Variants in CCAR1 observed in about 807,000 individuals in gnomAD.
CCAR1 encodes the protein cell division cycle and apoptosis regulator 1, also known as cell division cycle and apoptosis regulator protein 1.
Under a neutral mutation model 163.8 loss-of-function variants are expected in CCAR1, and 78 were observed. That is an observed-to-expected ratio of 0.48 (90% CI 0.40 to 0.57). CCAR1 has a LOEUF of 0.57. CCAR1 is among the 20% of genes least tolerant of loss of function. The pLI is 0.00. For missense variants in CCAR1, 1,019 were observed against 1,365.2 expected (o/e 0.75, Z 4.00); for synonymous variants, 443 against 460.7 (o/e 0.96, Z 0.49).
At chr10:68,734,343 G>T (rs2056080131) in intron 2 of CCAR1, among the ~76,000 whole-genome samples, 1 of 151,908 alleles carries the variant, frequency 6.6e-6, no homozygotes, top group Non-Finnish European at 1.5e-5. Context: ...GGTTTTTACG[G>T]CCTCTTGGTT....
At chr10:68,750,411 G>A (rs779182819) in intron 10 of CCAR1, among the ~76,000 whole-genome samples, 13 of 151,688 alleles carry the variant, frequency 8.6e-5, no homozygotes, top group East Asian at 3.9e-4. Flanking sequence ...TAGTAGGGAC[G>A]GGGTTTCACC....
At chr10:68,767,481 A>G (rs1377525103) in intron 17 of CCAR1, among the ~76,000 whole-genome samples, 1 of 152,078 alleles carries the variant, frequency 6.6e-6, no homozygotes, top group Non-Finnish European at 1.5e-5. Context: ...CCTGACCTCA[A>G]GTGATCCAAC....
rs1488065810 is a variant in CCAR1, at chr10:68,756,010, G to C, written c.1626-263G>C. 6.6e-6 allele frequency among the ~76,000 whole-genome samples: 1 copy of C among 152,148 alleles called. No homozygotes were observed. Among genetic ancestry groups the C allele is most frequent in the African/African-American group, 2.4e-5 (1 of 41,442 alleles). The stretch of plus-strand genomic sequence containing the variant: ...CACATGAAATCTGAACAGCTATCCA[G>C]CTTCTTCAGGTATTCTCTAAAATGC... On this transcript the variant is annotated intron_variant, in intron 13 of 24. Coordinates refer to ENST00000265872, the MANE Select transcript of CCAR1 (RefSeq NM_018237.4). The surrounding 1 kb of genome is among the most constrained non-coding windows in gnomAD (Gnocchi z 5.1).
chr10:68,768,448 A>G (rs1379587583), intron 17 of CCAR1, among the ~76,000 whole-genome samples: 1 of 151,500 alleles, frequency 6.6e-6, no homozygotes, highest in Non-Finnish European at 1.5e-5. Context: ...CATCTCTACT[A>G]AAAATACAAA....
At chr10:68,787,874 A>C in intron 21 of CCAR1, 53 bp from the exon 22 acceptor site, 1 of 1,517,494 alleles carries the variant, frequency 6.6e-7, no homozygotes, top group Non-Finnish European at 8.9e-7. Context: ...TTTCTAAGAG[A>C]ATCAAGAAAT....
chr10:68,761,163 G>C lies in CCAR1; in HGVS notation c.2077G>C (p.Asp693His). Residue 693 changes from aspartate to histidine, a missense_variant, in exon 16 of 25, where the codon GAT (aspartate) becomes CAT (histidine). Transcript: ENST00000265872. Reference sequence around the variant, plus strand: ...ATCTGAAAAAGAAGAGGATGAGGATGATGATAGGAAATCTGAAGACGATAA... The same window carrying C: ...ATCTGAAAAAGAAGAGGATGAGGATCATGATAGGAAATCTGAAGACGATAA... Reference protein sequence around the residue: ...EKSEKEEDEDDDRKSEDDKEE... With the variant: ...EKSEKEEDEDHDRKSEDDKEE... 2.5e-6 allele frequency: 4 copies of C among 1,602,970 alleles called. No individual in the cohort carries two copies. The highest frequency in any genetic ancestry group is 3.4e-6 in the Non-Finnish European group (4 of 1,176,412).
chr10:68,758,293 G>A (rs1320791801), intron 15 of CCAR1, among the ~76,000 whole-genome samples: 2 of 151,938 alleles, frequency 1.3e-5, no homozygotes, highest in Admixed American at 6.6e-5. Flanking sequence ...GGCCTCAAGC[G>A]ATCTATCCAC....
chr10:68,746,318 C>T (rs2056254420), intron 6 of CCAR1, among the ~76,000 whole-genome samples: 1 of 152,008 alleles, frequency 6.6e-6, no homozygotes, highest in African/African-American at 2.4e-5. Flanking sequence ...ACTCTATCGC[C>T]CAGGCTGGAG....
At position 68,723,096 on chromosome 10, in the gene CCAR1, CCAAA is replaced by C. The variant is rs938385886; in HGVS notation, c.73+522_73+525del. Among the ~76,000 whole-genome samples the C allele has an allele frequency of 5.3e-5, 8 of 150,850 alleles. No homozygotes were observed. The East Asian group carries it at 5.8e-4, about 11-fold the overall frequency. On this transcript the variant is annotated intron_variant, in intron 2 of 24. Transcript: ENST00000265872. ...GACAGTTTTGTAGTTTTTTTTTTCC[CCAAA>C]CATTTATTTTTTTATTTATTTTTAT...
chr10:68,728,292 A>T (rs2055977738), intron 2 of CCAR1, among the ~76,000 whole-genome samples: 1 of 148,238 alleles, frequency 6.7e-6, no homozygotes, highest in South Asian at 2.2e-4. Flanking sequence ...CATCCATTTC[A>T]TTTTTTGATT....
chr10:68,736,756 A>G, intron 2 of CCAR1, 120 bp from the exon 3 acceptor site: 1 of 748,408 alleles, frequency 1.3e-6, no homozygotes, highest in Non-Finnish European at 2.1e-6. Context: ...TATCTTGACT[A>G]TTGTGAATAG....
intron 19 of CCAR1, among the ~76,000 whole-genome samples, chr10:68,775,454 A>G (rs939137414): frequency 6.9e-6 from 1 of 144,428 alleles, no homozygotes. Context: ...ATTAAATAGT[A>G]TTCTCATTAT....
At position 68,756,670 on chromosome 10, in the gene CCAR1, C is replaced by T; in HGVS notation, c.1836+187C>T. 1.5e-6 allele frequency: 1 copy of T among 686,104 alleles called. No homozygotes were observed. The highest frequency in any genetic ancestry group is 2.6e-6 in the Non-Finnish European group (1 of 377,846). 42.5% of individuals were successfully genotyped at this position (686,104 alleles called of 1,614,324 possible). Reference sequence around the variant, plus strand: ...CTCTTAAAATTTCTGTCTTATTATCCTAACTTTAAGAGTGCTGAGACCTCA... The same window carrying T: ...CTCTTAAAATTTCTGTCTTATTATCTTAACTTTAAGAGTGCTGAGACCTCA... On this transcript the variant is annotated intron_variant, in intron 14 of 24. Coordinates refer to ENST00000265872, the MANE Select transcript of CCAR1 (RefSeq NM_018237.4). This position sits in a 1 kb window ranked among gnomAD's most constrained non-coding sequence, Gnocchi z 5.1.
chr10:68,787,628 G>A lies in CCAR1; in HGVS notation c.2881-299G>A, dbSNP rs565717067. ...AGGAGGGTGGATCACCTGAGGTCAG[G>A]AGTTCAAGACCAGCCTGGCTAACAT... is the stretch of plus-strand genomic sequence containing the variant. On this transcript the variant is annotated intron_variant, in intron 21 of 24. Transcript: ENST00000265872. Among the ~76,000 whole-genome samples, 333 of 152,190 alleles carry A rather than the reference G, an allele frequency of 2.2e-3. 2 individuals carry two copies. Among genetic ancestry groups the A allele is most frequent in the Non-Finnish European group, 3.8e-3 (256 of 68,020 alleles).
At chr10:68,766,145 C>A in intron 17 of CCAR1, 66 bp downstream of exon 17, 1 of 925,222 alleles carries the variant, frequency 1.1e-6, no homozygotes, top group Non-Finnish European at 1.6e-6. Flanking sequence ...TAATATATCT[C>A]TATCTCTGAA....
intron 15 of CCAR1, among the ~76,000 whole-genome samples, chr10:68,759,972 C>T (rs2056448046): frequency 6.6e-6 from 1 of 152,010 alleles, no homozygotes; most frequent in African/African-American, 2.4e-5. Context: ...GTAGCTTGGG[C>T]TAAAGACATG....
chr10:68,772,743 G>A (rs1039354869), intron 18 of CCAR1, among the ~76,000 whole-genome samples: 19 of 146,488 alleles, frequency 1.3e-4, no homozygotes, highest in African/African-American at 4.9e-4. Context: ...GGGCGACAGA[G>A]CCAGACTCCA....
At chr10:68,762,891 A>G (rs2056490621) in intron 16 of CCAR1, among the ~76,000 whole-genome samples, 1 of 152,200 alleles carries the variant, frequency 6.6e-6, no homozygotes, top group East Asian at 1.9e-4. Context: ...CTAGTGAGAC[A>G]TAACAACCAA....
intron 19 of CCAR1, among the ~76,000 whole-genome samples, chr10:68,779,578 T>G (rs892293858): frequency 1.3e-5 from 2 of 152,156 alleles, no homozygotes; most frequent in African/African-American, 2.4e-5. Context: ...CTTATCAAGT[T>G]AATGAAAATT....
Sources: gnomAD v4.1 joint callset for allele counts (sites outside exome capture counted in the v4.1 genomes callset) on GRCh38, gnomAD v4.1.1 for gene constraint, Gnocchi (gnomAD v3.1) non-coding constraint, MANE v1.5 for transcripts, NCBI Gene and HGNC (gene_info 2026-07-23, HGNC 2026-07-21) for gene names.